The following COX10 variants were observed in gnomAD, a reference collection of about 807,000 sequenced individuals.
COX10 encodes the protein cytochrome c oxidase assembly factor heme A:farnesyltransferase COX10, also known as protoheme IX farnesyltransferase, mitochondrial.
COX10 carries 27 observed loss-of-function variants against 37.3 expected under a neutral mutation model. That is an observed-to-expected ratio of 0.72 (90% CI 0.53 to 1.00). The LOEUF (loss-of-function observed/expected upper bound fraction) is 1.00, where lower values mean the gene tolerates loss of function less well. Among genes scored for constraint, COX10 ranks in the 50% least tolerant of loss-of-function variants. The pLI is 0.00. For missense variants in COX10, 475 were observed against 563.2 expected (o/e 0.84, Z 1.59); for synonymous variants, 222 against 229.1 (o/e 0.97, Z 0.28).
chr17:14,205,508 G>T (rs1567614792), intron 6 of COX10, among the ~76,000 whole-genome samples: 1 of 152,240 alleles, frequency 6.6e-6, no homozygotes, highest in Non-Finnish European at 1.5e-5. Flanking sequence ...GCAGGCAGGA[G>T]CACGTGTGGA....
intron 4 of COX10, among the ~76,000 whole-genome samples, chr17:14,144,331 G>A (rs1904647196): frequency 6.6e-6 from 1 of 152,058 alleles, no homozygotes; most frequent in Non-Finnish European, 1.5e-5. Context: ...ATGGATTCCA[G>A]GGTCATACTG....
chr17:14,177,421 C>T (rs1250926469), intron 5 of COX10: 1 of 416,372 alleles, frequency 2.4e-6, no homozygotes, highest in Non-Finnish European at 4.2e-6. Context: ...CTGTTTTCCT[C>T]CTATTTAAAT....
At chr17:14,135,494 G>A (rs1462339588) in intron 4 of COX10, among the ~76,000 whole-genome samples, 7 of 151,792 alleles carry the variant, frequency 4.6e-5, no homozygotes, top group East Asian at 3.9e-4. Flanking sequence ...ATTCTACTTT[G>A]GGTCAGAAGT....
chr17:14,148,332 G>T (rs73979170), intron 4 of COX10, among the ~76,000 whole-genome samples: 1 of 152,302 alleles, frequency 6.6e-6, no homozygotes, highest in South Asian at 2.1e-4. Context: ...TAACCAGAGA[G>T]TAATGGCTGA....
At chr17:14,104,336 G>C (rs946735332) in intron 4 of COX10, among the ~76,000 whole-genome samples, 3 of 152,034 alleles carry the variant, frequency 2.0e-5, no homozygotes, top group Non-Finnish European at 4.4e-5. Context: ...CCAGTGTTAG[G>C]CAATCTTATA....
chr17:14,187,071 C>A (rs1174581563), intron 5 of COX10, among the ~76,000 whole-genome samples: 6 of 151,334 alleles, frequency 4.0e-5, no homozygotes, highest in Non-Finnish European at 8.8e-5. Flanking sequence ...TTTTTAATGT[C>A]ACAGCCAGTG....
intron 4 of COX10, among the ~76,000 whole-genome samples, chr17:14,147,916 CCTT>C (rs1344638861): frequency 6.6e-6 from 1 of 151,732 alleles, no homozygotes; most frequent in Non-Finnish European, 1.5e-5. Context: ...GATGTTTTCT[CCTT>C]CCATCTTTTT....
rs940746992 is a variant in COX10 at position 14,134,384 on chromosome 17, C to A, written c.625-25493C>A. 2.0e-5 allele frequency among the ~76,000 whole-genome samples: 3 copies of A among 151,424 alleles called. No individual in the cohort carries two copies. The East Asian group carries it at 5.8e-4, about 29-fold the overall frequency. ...TTCAATCATCAAGAAATCCAGTAAA[C>A]AACATATATGTTAGAAAATGTTTGT... is the stretch of plus-strand genomic sequence containing the variant. On this transcript the variant is annotated intron_variant, in intron 4 of 6. Transcript: ENST00000261643.
chr17:14,131,268 G>A (rs937435841), intron 4 of COX10, among the ~76,000 whole-genome samples: 6 of 152,092 alleles, frequency 3.9e-5, no homozygotes, highest in Admixed American at 1.3e-4. Context: ...AATATATTTG[G>A]ATGCATTCAT....
chr17:14,142,006 A>G (rs191564816), intron 4 of COX10, among the ~76,000 whole-genome samples: 15 of 152,232 alleles, frequency 9.9e-5, no homozygotes, highest in Admixed American at 2.6e-4. Context: ...GTGTTGTTCA[A>G]AATTTCTCCG....
At chr17:14,094,165 A>G (rs1307001392) in intron 3 of COX10, among the ~76,000 whole-genome samples, 1 of 152,150 alleles carries the variant, frequency 6.6e-6, no homozygotes, top group Non-Finnish European at 1.5e-5. Context: ...CCATATAGAA[A>G]ATCAGACATT....
intron 4 of COX10, among the ~76,000 whole-genome samples, chr17:14,155,136 G>A (rs1469802387): frequency 6.6e-6 from 1 of 152,086 alleles, no homozygotes; most frequent in East Asian, 1.9e-4. Flanking sequence ...AAATAATCAG[G>A]ATATGGTGAT....
At chr17:14,093,925 T>C (rs1394774355) in intron 3 of COX10, among the ~76,000 whole-genome samples, 1 of 152,210 alleles carries the variant, frequency 6.6e-6, no homozygotes, top group Non-Finnish European at 1.5e-5. Flanking sequence ...TGGTGGCCCA[T>C]GCCTGTAATC....
intron 5 of COX10, among the ~76,000 whole-genome samples, chr17:14,164,854 G>GA (rs1905242833): frequency 6.6e-6 from 1 of 152,210 alleles, no homozygotes; most frequent in African/African-American, 2.4e-5. Context: ...TCATTGTTAT[G>GA]TGTATATCAG....
At chr17:14,099,746 A>G (rs182874010) in intron 3 of COX10, among the ~76,000 whole-genome samples, 55 of 151,556 alleles carry the variant, frequency 3.6e-4, no homozygotes, top group African/African-American at 1.3e-3. Flanking sequence ...CCTCTAGGCA[A>G]CTCCAGAGCT....
intron 4 of COX10, among the ~76,000 whole-genome samples, chr17:14,131,330 C>T (rs1293971210): frequency 6.6e-6 from 1 of 151,896 alleles, no homozygotes; most frequent in African/African-American, 2.4e-5. Flanking sequence ...TGTATATATA[C>T]ATATTTTTTT....
At chr17:14,073,395 G>GT (rs1331734334) in intron 1 of COX10, among the ~76,000 whole-genome samples, 1 of 152,118 alleles carries the variant, frequency 6.6e-6, no homozygotes, top group Non-Finnish European at 1.5e-5. Flanking sequence ...TTAAGTAATG[G>GT]TTTTATGTAC....
At chr17:14,152,602 A>G (rs1260876624) in intron 4 of COX10, among the ~76,000 whole-genome samples, 4 of 152,196 alleles carry the variant, frequency 2.6e-5, no homozygotes, top group Non-Finnish European at 5.9e-5. Flanking sequence ...TTGCCCCAGT[A>G]TCTAATTCTG....
chr17:14,070,018 A>G (rs1343581917), intron 1 of COX10, among the ~76,000 whole-genome samples: 1 of 152,200 alleles, frequency 6.6e-6, no homozygotes, highest in Admixed American at 6.5e-5. Context: ...TGCAATGACA[A>G]GGAAGGTGCT....
Sources: gnomAD v4.1 joint callset for allele counts (sites outside exome capture counted in the v4.1 genomes callset) on GRCh38, gnomAD v4.1.1 for gene constraint, MANE v1.5 for transcripts, NCBI Gene and HGNC (gene_info 2026-07-23, HGNC 2026-07-21) for gene names.